The following LIN28B variants were observed in gnomAD, a reference collection of about 807,000 sequenced individuals.
The protein encoded by LIN28B is protein lin-28 homolog B.
Under a neutral mutation model 21.9 loss-of-function variants are expected in LIN28B, and 5 were observed. The ratio of observed to expected loss-of-function variants is 0.23; its 90% CI spans 0.12 to 0.48. The LOEUF (loss-of-function observed/expected upper bound fraction) is 0.48, where lower values mean the gene tolerates loss of function less well. LIN28B is among the 20% of genes least tolerant of loss of function. The probability of loss-of-function intolerance (pLI) is 0.98; values close to 1 mark genes in which losing one functional copy is unlikely to be tolerated. For synonymous variants in LIN28B, 109 were observed against 111.3 expected, an observed-to-expected ratio of 0.98 and a Z score of 0.13; for missense variants, 245 against 310.5, an observed-to-expected ratio of 0.79 and a Z score of 1.58.
intron 2 of LIN28B, among the ~76,000 whole-genome samples, chr6:105,016,165 T>C (rs2114317995): frequency 6.6e-6 from 1 of 152,262 alleles, no homozygotes; most frequent in East Asian, 1.9e-4. Flanking sequence ...TACTCTATCA[T>C]AAAAGCACCC....
At chr6:104,989,142 T>C (rs1382363773) in intron 2 of LIN28B, among the ~76,000 whole-genome samples, 1 of 152,228 alleles carries the variant, frequency 6.6e-6, no homozygotes, top group Admixed American at 6.5e-5. Flanking sequence ...TTTTTTTCTG[T>C]ATTTTATTTC....
chr6:105,029,378 G>A (rs932047028), intron 3 of LIN28B, among the ~76,000 whole-genome samples: 1 of 152,138 alleles, frequency 6.6e-6, no homozygotes, highest in Admixed American at 6.6e-5. Context: ...ACAGTATTGG[G>A]ATTTAAAGCA....
chr6:105,021,363 T>C (rs1771138019), intron 2 of LIN28B, among the ~76,000 whole-genome samples: 1 of 152,214 alleles, frequency 6.6e-6, no homozygotes, highest in Non-Finnish European at 1.5e-5. Flanking sequence ...TATTGATTTC[T>C]TTTCCTTTGG....
At chr6:104,966,196 C>T (rs1462061644) in intron 2 of LIN28B, among the ~76,000 whole-genome samples, 1 of 152,050 alleles carries the variant, frequency 6.6e-6, no homozygotes, top group Non-Finnish European at 1.5e-5. Flanking sequence ...AGAAAAAAAA[C>T]CATGGGAATG....
intron 3 of LIN28B, among the ~76,000 whole-genome samples, chr6:105,063,635 C>CGGG (rs762449779): frequency 3.1e-5 from 3 of 98,064 alleles, no homozygotes; most frequent in African/African-American, 1.0e-4. Context: ...GACTCCATCT[C>CGGG]GGGGGGGGGG....
chr6:104,938,298 T>A (rs556452867), intron 2 of LIN28B, among the ~76,000 whole-genome samples: 1 of 151,912 alleles, frequency 6.6e-6, no homozygotes, highest in East Asian at 1.9e-4. Flanking sequence ...TGGTCCCAGG[T>A]AGAGGGATTC....
upstream of LIN28B, among the ~76,000 whole-genome samples, chr6:104,953,130 G>C (rs756974900): frequency 2.0e-5 from 3 of 152,214 alleles, no homozygotes; most frequent in Non-Finnish European, 4.4e-5. Flanking sequence ...GCTTTCAGGC[G>C]GGAGAGATCT....
At chr6:105,001,338 T>A (rs963087888) in intron 2 of LIN28B, among the ~76,000 whole-genome samples, 1 of 152,218 alleles carries the variant, frequency 6.6e-6, no homozygotes, top group South Asian at 2.1e-4. Flanking sequence ...ATACTGAAGA[T>A]GACTGTCAGT....
chr6:105,079,979 G>A lies in LIN28B; in HGVS notation c.*1196G>A, dbSNP rs1287804727. 1.3e-5 allele frequency: 2 copies of A among 152,174 alleles called. No homozygotes were observed. The highest frequency in any genetic ancestry group is 2.4e-5 in the African/African-American group (1 of 41,446). 9.4% of individuals were successfully genotyped at this position (152,174 alleles called of 1,614,324 possible). A position where few individuals can be genotyped will look rare whatever the true frequency, so the allele number is the denominator to read the frequency against. On this transcript the variant is annotated 3_prime_UTR_variant, in exon 4 of 4. Transcript: ENST00000345080. ...TAGTGGCAGTTAACAAGAGTGACAA[G>A]CCTGGGGCAGAGGTACCAAACCTCT...
intron 1 of LIN28B, 99 bp from the exon 2 acceptor site, chr6:104,958,000 C>A: frequency 1.2e-6 from 1 of 815,412 alleles, no homozygotes; most frequent in South Asian, 4.1e-5. Flanking sequence ...TTCTGTTACC[C>A]TTCCCCCCCA....
intron 2 of LIN28B, among the ~76,000 whole-genome samples, chr6:104,988,569 A>ATTTTTTTTTTT (rs369912825): frequency 7.9e-6 from 1 of 127,132 alleles, no homozygotes; most frequent in Non-Finnish European, 1.6e-5. Context: ...GACTACCTAG[A>ATTTTTTTTTTT]TTTTTTTTTT....
intron 3 of LIN28B, among the ~76,000 whole-genome samples, chr6:105,055,569 A>G (rs193297712): frequency 1.1e-4 from 17 of 152,138 alleles, no homozygotes; most frequent in Non-Finnish European, 2.2e-4. Context: ...AAATATCTTC[A>G]TATTTATTAT....
intron 2 of LIN28B, among the ~76,000 whole-genome samples, chr6:104,963,175 T>A (rs1769785038): frequency 6.6e-6 from 1 of 152,090 alleles, no homozygotes; most frequent in Non-Finnish European, 1.5e-5. Flanking sequence ...GCCTCCTGAG[T>A]AGCTGGGACT....
intron 2 of LIN28B, among the ~76,000 whole-genome samples, chr6:105,018,581 C>T (rs1447095784): frequency 2.6e-5 from 4 of 152,114 alleles, no homozygotes; most frequent in Non-Finnish European, 4.4e-5. Context: ...TTATTCATTT[C>T]ATAATTTTTC....
intron 3 of LIN28B, among the ~76,000 whole-genome samples, chr6:105,077,405 T>C (rs1772447614): frequency 6.6e-6 from 1 of 152,208 alleles, no homozygotes; most frequent in Non-Finnish European, 1.5e-5. Flanking sequence ...AAATTTTTCT[T>C]AGTTTCTTCC....
At chr6:104,945,200 GTC>G (rs1471381340) in intron 2 of LIN28B, among the ~76,000 whole-genome samples, 4 of 151,936 alleles carry the variant, frequency 2.6e-5, no homozygotes. Context: ...TTTTGTATTA[GTC>G]TGTTATAATC....
intron 2 of LIN28B, among the ~76,000 whole-genome samples, chr6:104,942,554 A>AT: frequency 6.6e-6 from 1 of 152,196 alleles, no homozygotes; most frequent in East Asian, 1.9e-4. Flanking sequence ...ATTTGCATAG[A>AT]TTTTATAGAG....
chr6:104,951,599 C>G (rs1183782504), intron 3 of LIN28B, among the ~76,000 whole-genome samples: 2 of 151,542 alleles, frequency 1.3e-5, no homozygotes, highest in African/African-American at 4.9e-5. Flanking sequence ...TTTTTCTTTT[C>G]TGTTGGGAAA....
chr6:105,062,537 A>C (rs749921778), intron 3 of LIN28B, among the ~76,000 whole-genome samples: 11 of 151,998 alleles, frequency 7.2e-5, no homozygotes, highest in African/African-American at 2.7e-4. Flanking sequence ...CTGCATTGGA[A>C]ATTAGCAAGA....
Sources: allele counts gnomAD v4.1 joint callset (sites outside exome capture counted in the v4.1 genomes callset), GRCh38; gene constraint gnomAD v4.1.1; transcripts MANE v1.5; gene names NCBI Gene and HGNC (gene_info 2026-07-23, HGNC 2026-07-21).